Variants in SLC35F3 observed in about 807,000 individuals in gnomAD.
SLC35F3 encodes putative thiamine transporter SLC35F3.
A neutral mutation model predicts 49.9 loss-of-function variants in SLC35F3; 25 were observed. That is an observed-to-expected ratio of 0.50 (90% CI 0.37 to 0.70). The LOEUF (loss-of-function observed/expected upper bound fraction) is 0.70, where lower values mean the gene tolerates loss of function less well. SLC35F3 is among the 30% of genes least tolerant of loss of function. The pLI is 0.00. For missense variants in SLC35F3, 525 were observed against 639.8 expected, an observed-to-expected ratio of 0.82 and a Z score of 1.94; for synonymous variants, 275 against 265.4, an observed-to-expected ratio of 1.04 and a Z score of -0.35.
At chr1:234,226,261 A>G (rs979881173) in intron 2 of SLC35F3, among the ~76,000 whole-genome samples, 4 of 152,140 alleles carry the variant, frequency 2.6e-5, no homozygotes, top group Admixed American at 2.0e-4. Context: ...TTCCTGTGCA[A>G]TTCTATCTCC....
chr1:234,126,511 T>C (rs1665650252), intron 2 of SLC35F3, among the ~76,000 whole-genome samples: 2 of 98,592 alleles, frequency 2.0e-5, no homozygotes, highest in African/African-American at 7.4e-5. Flanking sequence ...CTACATGATT[T>C]TATTACCTAT....
chr1:234,230,208 A>G (rs1323700534), intron 2 of SLC35F3, among the ~76,000 whole-genome samples: 2 of 152,398 alleles, frequency 1.3e-5, no homozygotes, highest in African/African-American at 4.8e-5. Flanking sequence ...AAACAGATAC[A>G]GCACAGCTGG....
chr1:234,020,637 T>C (rs1663877362), intron 2 of SLC35F3, among the ~76,000 whole-genome samples: 1 of 152,240 alleles, frequency 6.6e-6, no homozygotes, highest in South Asian at 2.1e-4. Context: ...CAATGACTCC[T>C]ATGAACATTA....
At chr1:233,936,284 A>G (rs890076495) in intron 2 of SLC35F3, among the ~76,000 whole-genome samples, 2 of 152,228 alleles carry the variant, frequency 1.3e-5, no homozygotes, top group African/African-American at 4.8e-5. Flanking sequence ...GTAATTGTTT[A>G]TAAAAGGAGA....
At chr1:234,139,889 A>G (rs1421770113) in intron 2 of SLC35F3, among the ~76,000 whole-genome samples, 2 of 151,124 alleles carry the variant, frequency 1.3e-5, no homozygotes, top group Non-Finnish European at 2.9e-5. Context: ...CAGAGGTTGC[A>G]GTGAGCCGAG....
At position 234,201,912 on chromosome 1, in the gene SLC35F3, C is replaced by CAAAA. The variant is rs11361148; in HGVS notation, c.284-29489_284-29486dup. Among the ~76,000 whole-genome samples the CAAAA allele has an allele frequency of 8.0e-5, 9 of 111,874 alleles. No homozygotes were observed. The East Asian group carries it at 9.6e-4, about 12-fold the overall frequency. 73.4% of individuals were successfully genotyped at this position (111,874 alleles called of 152,430 possible). On this transcript the variant is annotated intron_variant, in intron 2 of 7. Transcript: ENST00000366618. ...TGGGCTACAGAGCTAGACTTCTTCT[C>CAAAA]AAAAAAAAAAAAAAAAAAAGAAGGA...
At chr1:234,045,289 G>A (rs781015971) in intron 2 of SLC35F3, among the ~76,000 whole-genome samples, 2 of 152,066 alleles carry the variant, frequency 1.3e-5, no homozygotes, top group Admixed American at 6.6e-5. Flanking sequence ...GAATCAGATT[G>A]TATTTACCAT....
intron 2 of SLC35F3, among the ~76,000 whole-genome samples, chr1:234,101,235 G>A (rs1358125599): frequency 6.6e-6 from 1 of 152,002 alleles, no homozygotes; most frequent in Middle Eastern, 3.2e-3. Flanking sequence ...TATAATAGTT[G>A]GGTCTGTTTT....
At chr1:234,119,475 C>T (rs545250240) in intron 2 of SLC35F3, among the ~76,000 whole-genome samples, 27 of 151,994 alleles carry the variant, frequency 1.8e-4, no homozygotes, top group Admixed American at 4.6e-4. Flanking sequence ...ATGATGGGTC[C>T]GCCGTTGGAT....
chr1:234,157,871 A>C (rs1391252417), intron 2 of SLC35F3, among the ~76,000 whole-genome samples: 1 of 152,232 alleles, frequency 6.6e-6, no homozygotes, highest in Non-Finnish European at 1.5e-5. Context: ...AAAGTATTTC[A>C]GGAGGCATGT....
chr1:233,912,407 G>T (rs1361210031), intron 2 of SLC35F3, among the ~76,000 whole-genome samples: 3 of 152,098 alleles, frequency 2.0e-5, no homozygotes, highest in Non-Finnish European at 4.4e-5. Context: ...AATCCGGGAG[G>T]CGGAGGTTGC....
chr1:234,235,013 T>C (rs1667442652), intron 3 of SLC35F3, among the ~76,000 whole-genome samples: 1 of 152,018 alleles, frequency 6.6e-6, no homozygotes, highest in Non-Finnish European at 1.5e-5. Context: ...ACTACGAGAG[T>C]GCCAACCCCT....
chr1:234,146,089 G>A (rs1200153126), intron 2 of SLC35F3, among the ~76,000 whole-genome samples: 1 of 151,998 alleles, frequency 6.6e-6, no homozygotes, highest in Non-Finnish European at 1.5e-5. Context: ...ATTTCTAGAG[G>A]TTTAAAATTT....
rs1480320729 is a variant in SLC35F3 at position 234,058,337 on chromosome 1, T to TA, written c.283+152579_283+152580insA. ...TTATAAATGTTCCTGAATTTTTTTT[T>TA]TTTTTTTTTTTTTTTTTTTTTCAGT... On this transcript the variant is annotated intron_variant, in intron 2 of 7. Transcript: ENST00000366618. Among the ~76,000 whole-genome samples, 336 of 129,448 alleles carry TA rather than the reference T, an allele frequency of 2.6e-3. 1 individual carries two copies. Among genetic ancestry groups the TA allele is most frequent in the African/African-American group, 9.8e-3 (312 of 31,742 alleles). 84.9% of individuals were successfully genotyped at this position (129,448 alleles called of 152,430 possible). A position where few individuals can be genotyped will look rare whatever the true frequency, so the allele number is the denominator to read the frequency against.
At chr1:234,034,555 G>A (rs1195699870) in intron 2 of SLC35F3, among the ~76,000 whole-genome samples, 1 of 152,040 alleles carries the variant, frequency 6.6e-6, no homozygotes, top group Non-Finnish European at 1.5e-5. Flanking sequence ...AGTCAATGCT[G>A]TGTCGCCTAG....
intron 2 of SLC35F3, among the ~76,000 whole-genome samples, chr1:233,918,722 A>G (rs12096027): frequency 0.012 from 1,899 of 152,052 alleles, 46 homozygotes; most frequent in African/African-American, 0.041. Flanking sequence ...AGCCAAGATC[A>G]TACCATGCAC....
chr1:234,254,729 C>G lies in SLC35F3; in HGVS notation c.608+22988C>G, dbSNP rs145634382. 2.2e-3 allele frequency among the ~76,000 whole-genome samples: 336 copies of G among 152,298 alleles called. 3 individuals carry two copies. Among genetic ancestry groups the G allele is most frequent in the African/African-American group, 7.9e-3 (330 of 41,568 alleles). ...AATTCTCTTAACCAAACAGGCATAC[C>G]ACTCACTCTCTGTAAAGTTCACGAA... is the stretch of plus-strand genomic sequence containing the variant. On this transcript the variant is annotated intron_variant, in intron 3 of 7. Transcript: ENST00000366618.
At chr1:234,215,829 G>A (rs1007804435) in intron 2 of SLC35F3, among the ~76,000 whole-genome samples, 4 of 152,202 alleles carry the variant, frequency 2.6e-5, no homozygotes, top group Non-Finnish European at 5.9e-5. Context: ...GTGAGGCCCA[G>A]CAAGGTGGGT....
chr1:234,212,876 T>C (rs1331600140), intron 2 of SLC35F3: 1 of 152,230 alleles, frequency 6.6e-6, no homozygotes, highest in African/African-American at 2.4e-5. Flanking sequence ...GTGTCATCAC[T>C]AGGAGTCTTG....
Sources: allele counts gnomAD v4.1 joint callset (sites outside exome capture counted in the v4.1 genomes callset), GRCh38; gene constraint gnomAD v4.1.1; transcripts MANE v1.5; gene names NCBI Gene and HGNC (gene_info 2026-07-23, HGNC 2026-07-21).